DOCK1: variants seen among roughly 807,000 people sequenced by gnomAD.
DOCK1 encodes dedicator of cytokinesis 1.
A neutral mutation model predicts 262.7 loss-of-function variants in DOCK1; 138 were observed. That is an observed-to-expected ratio of 0.53 (90% CI 0.46 to 0.61). The LOEUF (loss-of-function observed/expected upper bound fraction) is 0.61, where lower values mean the gene tolerates loss of function less well. DOCK1 is among the 20% of genes least tolerant of loss of function. The pLI is 0.00. For synonymous variants in DOCK1, 866 were observed against 867.4 expected, an observed-to-expected ratio of 1.00 and a Z score of 0.03; for missense variants, 1,908 against 2,370.7, an observed-to-expected ratio of 0.80 and a Z score of 4.05.
At chr10:126,921,498 GA>G (rs2033192952) in intron 1 of DOCK1, among the ~76,000 whole-genome samples, 1 of 152,176 alleles carries the variant, frequency 6.6e-6, no homozygotes, top group South Asian at 2.1e-4. Context: ...GAAATGTCCA[GA>G]ATAGGCAAAT....
chr10:127,320,706 G>A (rs547901683), intron 29 of DOCK1, among the ~76,000 whole-genome samples: 32 of 152,262 alleles, frequency 2.1e-4, no homozygotes, highest in African/African-American at 6.0e-4. Context: ...ATCTGGCCAC[G>A]ATGCCATTCA....
intron 27 of DOCK1, among the ~76,000 whole-genome samples, chr10:127,190,412 C>G (rs893013278): frequency 1.3e-5 from 2 of 152,256 alleles, no homozygotes; most frequent in South Asian, 2.1e-4. Flanking sequence ...TCAGGATTCC[C>G]TGAGTTGGTA....
chr10:127,141,531 C>T (rs1265411109), intron 27 of DOCK1, among the ~76,000 whole-genome samples: 1 of 152,084 alleles, frequency 6.6e-6, no homozygotes, highest in Admixed American at 6.6e-5. Context: ...GGTGAAACCC[C>T]ATCTGTACTA....
At chr10:127,386,303 G>A (rs1171698218) in intron 38 of DOCK1, among the ~76,000 whole-genome samples, 1 of 152,176 alleles carries the variant, frequency 6.6e-6, no homozygotes, top group Non-Finnish European at 1.5e-5. Flanking sequence ...ATTACACCCA[G>A]TCCTGTAGTT....
intron 1 of DOCK1, among the ~76,000 whole-genome samples, chr10:126,936,325 T>C (rs1452485358): frequency 6.6e-6 from 1 of 152,162 alleles, no homozygotes; most frequent in Non-Finnish European, 1.5e-5. Context: ...GTAAATATTT[T>C]AGGTTTTGTG....
chr10:127,279,973 T>A (rs2135265030), intron 29 of DOCK1, among the ~76,000 whole-genome samples: 1 of 149,538 alleles, frequency 6.7e-6, no homozygotes, highest in Admixed American at 6.7e-5. Flanking sequence ...GCATTAATTT[T>A]TTTAAAGACA....
At chr10:127,289,354 G>T (rs955514967) in intron 29 of DOCK1, among the ~76,000 whole-genome samples, 1 of 152,072 alleles carries the variant, frequency 6.6e-6, no homozygotes, top group African/African-American at 2.4e-5. Flanking sequence ...TCTTGCACCT[G>T]TCCTCTAATA....
intron 29 of DOCK1, among the ~76,000 whole-genome samples, chr10:127,311,059 A>G (rs562744597): frequency 4.6e-5 from 7 of 152,314 alleles, no homozygotes; most frequent in African/African-American, 1.7e-4. Flanking sequence ...GAATAGGCCA[A>G]AAGGCTGTCT....
chr10:126,967,700 T>C (rs2037777262), intron 1 of DOCK1, among the ~76,000 whole-genome samples: 1 of 152,200 alleles, frequency 6.6e-6, no homozygotes, highest in Admixed American at 6.5e-5. Context: ...TGCATCTCTT[T>C]GACCTCCTCT....
chr10:126,981,291 G>A (rs2038957295), intron 3 of DOCK1, among the ~76,000 whole-genome samples: 1 of 152,166 alleles, frequency 6.6e-6, no homozygotes, highest in Admixed American at 6.5e-5. Flanking sequence ...ATGTGCCTGA[G>A]GCTGAATGTC....
intron 29 of DOCK1, 75 bp from the exon 30 acceptor site, chr10:127,338,931 C>G (rs1247057307): frequency 7.9e-7 from 1 of 1,270,262 alleles, no homozygotes; most frequent in Admixed American, 2.0e-5. Flanking sequence ...GGGATTGTAT[C>G]TAATTGAAAT....
At chr10:126,951,807 G>T (rs1207810282) in intron 1 of DOCK1, among the ~76,000 whole-genome samples, 1 of 151,736 alleles carries the variant, frequency 6.6e-6, no homozygotes, top group African/African-American at 2.4e-5. Flanking sequence ...TTTACATTGG[G>T]TGTACACTGA....
At chr10:127,450,379 A>G (rs909295859) in intron 51 of DOCK1, among the ~76,000 whole-genome samples, 22 of 152,182 alleles carry the variant, frequency 1.4e-4, no homozygotes, top group Non-Finnish European at 2.9e-4. Flanking sequence ...AAGTTAGACG[A>G]TAGTGTTCTG....
rs1299938673 is a variant in DOCK1 at position 127,226,257 on chromosome 10, G to A, written c.2848-21751G>A. ...AAGGCTCAAGAAAAACTTGAAGGCA[G>A]ATAAAATTGATTTATACTCCTTAGC... On this transcript the variant is annotated intron_variant, in intron 27 of 51. Transcript: ENST00000623213. 8.5e-5 allele frequency among the ~76,000 whole-genome samples: 13 copies of A among 152,192 alleles called. No individual in the cohort carries two copies. In the South Asian group the frequency reaches 2.7e-3, roughly 32 times the overall value.
chr10:127,202,677 C>T (rs1211792826), intron 27 of DOCK1, among the ~76,000 whole-genome samples: 2 of 152,194 alleles, frequency 1.3e-5, no homozygotes, highest in Admixed American at 6.5e-5. Flanking sequence ...AATGATGCTC[C>T]GCTTCGGTTG....
intron 25 of DOCK1, among the ~76,000 whole-genome samples, chr10:127,124,949 T>C (rs962799137): frequency 1.3e-5 from 2 of 151,532 alleles, no homozygotes; most frequent in African/African-American, 4.9e-5. Flanking sequence ...CCATGTCTAC[T>C]AAAAATAAAA....
chr10:127,367,649 C>T (rs552604677), intron 33 of DOCK1, among the ~76,000 whole-genome samples: 73 of 152,160 alleles, frequency 4.8e-4, no homozygotes, highest in Non-Finnish European at 9.4e-4. Context: ...ATGTGCACAG[C>T]GGCCTTGAAT....
chr10:127,213,482 G>C (rs1208797696), intron 27 of DOCK1, among the ~76,000 whole-genome samples: 3 of 152,314 alleles, frequency 2.0e-5, no homozygotes, highest in African/African-American at 7.2e-5. Context: ...CAAAATGTTT[G>C]ATTGGAATAG....
intron 31 of DOCK1, among the ~76,000 whole-genome samples, chr10:127,352,574 T>C (rs112974294): frequency 6.6e-6 from 1 of 152,074 alleles, no homozygotes; most frequent in Non-Finnish European, 1.5e-5. Context: ...CAGACACTGA[T>C]GAAGTTCAGC....
Sources: allele counts gnomAD v4.1 joint callset (sites outside exome capture counted in the v4.1 genomes callset), GRCh38; gene constraint gnomAD v4.1.1; transcripts MANE v1.5; gene names NCBI Gene and HGNC (gene_info 2026-07-23, HGNC 2026-07-21).